The following PLEKHA5 variants were observed in gnomAD, a reference collection of about 807,000 sequenced individuals.
The protein encoded by PLEKHA5 is pleckstrin homology domain containing A5.
PLEKHA5 carries 55 observed loss-of-function variants against 181.9 expected under a neutral mutation model. The observed-to-expected ratio is 0.30, with a 90% confidence interval of 0.24 to 0.38. The LOEUF (loss-of-function observed/expected upper bound fraction) is 0.38, where lower values mean the gene tolerates loss of function less well. Among genes scored for constraint, PLEKHA5 ranks in the 10% least tolerant of loss-of-function variants. The pLI, the probability that PLEKHA5 is intolerant of heterozygous loss-of-function variation, is 1.00. For synonymous variants in PLEKHA5, 535 were observed against 529.4 expected (o/e 1.01, Z -0.15); for missense variants, 1,432 against 1,549.5 (o/e 0.92, Z 1.27).
intron 3 of PLEKHA5, chr12:19,205,361 G>C: frequency 1.0e-6 from 1 of 984,846 alleles, no homozygotes; most frequent in Non-Finnish European, 1.2e-6. Context: ...TCATCGTTCT[G>C]TCAGGAAGCA....
intron 8 of PLEKHA5, among the ~76,000 whole-genome samples, chr12:19,266,256 T>A (rs1457307073): frequency 6.6e-6 from 1 of 151,602 alleles, no homozygotes; most frequent in Non-Finnish European, 1.5e-5. Flanking sequence ...GGAGGATCAC[T>A]TGAGTCCAGG....
chr12:19,350,590 G>A lies in PLEKHA5; in HGVS notation c.3019+2071G>A, dbSNP rs150887412. On this transcript the variant is annotated intron_variant, in intron 25 of 31. Coordinates refer to ENST00000429027, the MANE Select transcript of PLEKHA5 (RefSeq NM_001256470.2). ...TCAAGACCAGCCTGGCCAACATGGC[G>A]AAGCCCCATCTCTACTAAAAATACA... 2.9e-3 allele frequency among the ~76,000 whole-genome samples: 448 copies of A among 152,148 alleles called. 2 individuals carry two copies. The highest frequency in any genetic ancestry group is 0.01 in the African/African-American group (430 of 41,516).
chr12:19,226,118 G>T (rs766171496), intron 3 of PLEKHA5, among the ~76,000 whole-genome samples: 11 of 152,186 alleles, frequency 7.2e-5, no homozygotes, highest in Non-Finnish European at 1.3e-4. Context: ...CCTCTATCCA[G>T]TTCCAAAGAT....
chr12:19,252,214 G>T (rs1352670227), intron 3 of PLEKHA5, among the ~76,000 whole-genome samples: 1 of 152,014 alleles, frequency 6.6e-6, no homozygotes, highest in Non-Finnish European at 1.5e-5. Flanking sequence ...ATTAGGATTT[G>T]GAAAAAGAAC....
chr12:19,156,617 C>T (rs761159550), intron 3 of PLEKHA5, among the ~76,000 whole-genome samples: 5 of 151,660 alleles, frequency 3.3e-5, no homozygotes, highest in Non-Finnish European at 7.4e-5. Flanking sequence ...ATGGCCTCAT[C>T]GTGCATGTAT....
intron 15 of PLEKHA5, among the ~76,000 whole-genome samples, chr12:19,293,533 G>A (rs1322531150): frequency 6.6e-6 from 1 of 152,096 alleles, no homozygotes; most frequent in Non-Finnish European, 1.5e-5. Context: ...CCAGAAAGCT[G>A]CTAAGATACA....
chr12:19,277,564 A>G (rs11830596), intron 11 of PLEKHA5, among the ~76,000 whole-genome samples: 10,596 of 152,168 alleles, frequency 0.07, 641 homozygotes, highest in East Asian at 0.19. Context: ...TTTTATAAAT[A>G]CTGTTATTTA....
intron 15 of PLEKHA5, chr12:19,306,585 G>A (rs2083745683): frequency 1.2e-6 from 1 of 816,500 alleles, no homozygotes. Flanking sequence ...GCGGATCCGG[G>A]CCCTAGCGGC....
At chr12:19,222,560 G>A (rs1428013813) in intron 3 of PLEKHA5, among the ~76,000 whole-genome samples, 1 of 152,026 alleles carries the variant, frequency 6.6e-6, no homozygotes, top group Non-Finnish European at 1.5e-5. Context: ...ATTTTGAAAT[G>A]GCCTATAATA....
intron 3 of PLEKHA5, chr12:19,236,994 T>A (rs1440187810): frequency 6.6e-6 from 1 of 152,232 alleles, no homozygotes; most frequent in Non-Finnish European, 1.5e-5. Context: ...TTTTTGCCTG[T>A]AATTGAATAT....
In PLEKHA5 at chr12:19,302,973, G is replaced by T. The variant is rs373205324; in HGVS notation, c.2037+11276G>T. 3.0e-4 allele frequency among the ~76,000 whole-genome samples: 37 copies of T among 123,222 alleles called. No individual in the cohort carries two copies. In the South Asian group the frequency reaches 0.01, roughly 34 times the overall value. The allele number at this position is 123,222 out of a possible 152,430, so 80.8% of individuals were successfully genotyped here. A position where few individuals can be genotyped will look rare whatever the true frequency, so the allele number is the denominator to read the frequency against. On this transcript the variant is annotated intron_variant, in intron 15 of 31. Transcript: ENST00000429027. ...GTCCTGCTCTGTTGCCCGGACTGGA[G>T]TGCAGCAGCGCCATCTCGGCTCACT...
chr12:19,263,174 A>ATT (rs144466225), intron 7 of PLEKHA5, among the ~76,000 whole-genome samples: 37 of 151,380 alleles, frequency 2.4e-4, no homozygotes, highest in African/African-American at 7.3e-4. Context: ...TAGCCTATAT[A>ATT]TTTTTTTTTG....
intron 11 of PLEKHA5, among the ~76,000 whole-genome samples, chr12:19,281,569 AC>A (rs945167772): frequency 6.8e-6 from 1 of 146,706 alleles, no homozygotes; most frequent in African/African-American, 2.6e-5. Context: ...AGAGCAAAAC[AC>A]TATCTCCAAA....
rs142910344 is a variant in PLEKHA5 at position 19,305,390 on chromosome 12, G to A, written c.2038-9424G>A. 8.6e-5 allele frequency among the ~76,000 whole-genome samples: 13 copies of A among 151,772 alleles called. No individual in the cohort carries two copies. In the East Asian group the frequency reaches 1.9e-3, roughly 23 times the overall value. On this transcript the variant is annotated intron_variant, in intron 15 of 31. Transcript: ENST00000429027. ...AGCCTGACCAACATGGTAAAACTCC[G>A]TCTCTACTAAAAATACAAAAATTAG...
chr12:19,324,115 A>G (rs1382538813), intron 20 of PLEKHA5, among the ~76,000 whole-genome samples: 1 of 152,176 alleles, frequency 6.6e-6, no homozygotes, highest in Non-Finnish European at 1.5e-5. Flanking sequence ...GGGAGCAGCT[A>G]TCTTTTAAGA....
chr12:19,237,671 G>A (rs1041952985), intron 3 of PLEKHA5, among the ~76,000 whole-genome samples: 5 of 151,810 alleles, frequency 3.3e-5, no homozygotes, highest in South Asian at 2.1e-4. Context: ...ATTACAGATC[G>A]TATTTTATTT....
chr12:19,362,097 G>C (rs2095261815), intron 29 of PLEKHA5, among the ~76,000 whole-genome samples: 1 of 141,288 alleles, frequency 7.1e-6, no homozygotes, highest in Admixed American at 7.9e-5. Flanking sequence ...GAGCCCAAGA[G>C]CTCGAGGCTG....
At chr12:19,357,380 G>T (rs987229204) in intron 26 of PLEKHA5, among the ~76,000 whole-genome samples, 6 of 151,710 alleles carry the variant, frequency 4.0e-5, no homozygotes, top group Non-Finnish European at 7.4e-5. Context: ...GAGTAGCTGG[G>T]ACTACTGGCA....
chr12:19,332,744 A>C (rs892530118), intron 20 of PLEKHA5, among the ~76,000 whole-genome samples: 1 of 152,140 alleles, frequency 6.6e-6, no homozygotes, highest in Non-Finnish European at 1.5e-5. Flanking sequence ...GCTCACTGCA[A>C]CCTGCACCTC....
Sources: gnomAD v4.1 joint callset for allele counts (sites outside exome capture counted in the v4.1 genomes callset) on GRCh38, gnomAD v4.1.1 for gene constraint, MANE v1.5 for transcripts, NCBI Gene and HGNC (gene_info 2026-07-23, HGNC 2026-07-21) for gene names.